The following GNAS-AS1 variants were observed in gnomAD, a reference collection of about 807,000 sequenced individuals.
GNAS-AS1 encodes GNAS antisense RNA 1.
intron 4 of GNAS-AS1, among the ~76,000 whole-genome samples, chr20:58,831,787 C>T (rs1277549490): frequency 1.3e-5 from 2 of 151,626 alleles, no homozygotes; most frequent in Admixed American, 6.6e-5. Flanking sequence ...AAAACAAAAC[C>T]CCTAATTATC....
intron 4 of GNAS-AS1, among the ~76,000 whole-genome samples, chr20:58,833,419 C>T (rs1197070027): frequency 2.6e-5 from 4 of 152,184 alleles, no homozygotes; most frequent in Non-Finnish European, 4.4e-5. Flanking sequence ...TCATTTCTGA[C>T]GTTGAGAGGC....
At chr20:58,821,767 C>T (rs889492890) in intron 4 of GNAS-AS1, among the ~76,000 whole-genome samples, 2 of 152,170 alleles carry the variant, frequency 1.3e-5, no homozygotes, top group Non-Finnish European at 2.9e-5. Context: ...ATGGATTCTT[C>T]TCTGAGGCCT....
At position 58,841,604 on chromosome 20, in the gene GNAS-AS1, G is replaced by GCGCACCTGCCCGCGCGCGC; in HGVS notation, n.819+314_819+332dup. On this transcript the variant is annotated intron_variant and non_coding_transcript_variant, in intron 4 of 4. Transcript: ENST00000424094. This position sits in a 1 kb window ranked among gnomAD's most constrained non-coding sequence, Gnocchi z 5.0. Reference sequence around the variant, plus strand: ...GGACAGAGACCGCCTCAAAGAGCGTGCGCACCTGCCCGCGCGCGCCGGAGC... The same window carrying GCGCACCTGCCCGCGCGCGC: ...GGACAGAGACCGCCTCAAAGAGCGTGCGCACCTGCCCGCGCGCGCCGCACCTGCCCGCGCGCGCCGGAGC... The GCGCACCTGCCCGCGCGCGC allele has an allele frequency of 9.7e-7, 1 of 1,032,370 alleles. No individual in the cohort carries two copies. The highest frequency in any genetic ancestry group is 1.2e-6 in the Non-Finnish European group (1 of 860,872). 64.0% of individuals were successfully genotyped at this position (1,032,370 alleles called of 1,614,324 possible).
In GNAS-AS1 at chr20:58,840,974, G is replaced by C. The variant is rs6100246; in HGVS notation, n.819+963C>G. The C allele has an allele frequency of 7.2e-7, 1 of 1,387,864 alleles. No homozygotes were observed. Among genetic ancestry groups the C allele is most frequent in the East Asian group, 2.4e-5 (1 of 40,878 alleles). 86.0% of individuals were successfully genotyped at this position (1,387,864 alleles called of 1,614,324 possible). A position where few individuals can be genotyped will look rare whatever the true frequency, so the allele number is the denominator to read the frequency against. On this transcript the variant is annotated intron_variant and non_coding_transcript_variant, in intron 4 of 4. Transcript: ENST00000424094. This position sits in a 1 kb window ranked among gnomAD's most constrained non-coding sequence, Gnocchi z 6.0. ...GGAGGTGAGAAGGAAAGGCAGGTCA[G>C]GGGCGAGTGGGAAGAGAGGAGGCTC...
chr20:58,824,269 C>T (rs542096006), intron 4 of GNAS-AS1, among the ~76,000 whole-genome samples: 23 of 152,366 alleles, frequency 1.5e-4, no homozygotes, highest in Middle Eastern at 3.4e-3. Context: ...AGCGCAGCTG[C>T]GCTGGCCTCC....
At chr20:58,850,648 C>T in exon 1 of GNAS-AS1, 2 of 399,300 alleles carry the variant, frequency 5.0e-6, no homozygotes, top group Admixed American at 8.8e-5. Flanking sequence ...CCCTGGAAAT[C>T]TTCTTGCTCC....
intron 3 of GNAS-AS1, chr20:58,842,424 G>A: frequency 2.5e-6 from 1 of 398,556 alleles, no homozygotes. Context: ...GATGATAGAA[G>A]GAAAATACCT....
chr20:58,836,691 G>A (rs898228316), intron 4 of GNAS-AS1, among the ~76,000 whole-genome samples: 2 of 152,182 alleles, frequency 1.3e-5, no homozygotes, highest in African/African-American at 2.4e-5. Flanking sequence ...AGTCACGCAC[G>A]TAATGCATTT....
intron 2 of GNAS-AS1, among the ~76,000 whole-genome samples, chr20:58,846,178 G>C (rs1316166749): frequency 6.6e-6 from 1 of 152,168 alleles, no homozygotes; most frequent in African/African-American, 2.4e-5. Flanking sequence ...ATTTAGAAAT[G>C]GGGAAGGGGG....
intron 4 of GNAS-AS1, chr20:58,839,798 C>G: frequency 3.5e-6 from 2 of 578,408 alleles, no homozygotes; most frequent in Non-Finnish European, 3.1e-6. Flanking sequence ...GCACCTCTCT[C>G]GAGTCTTAGG....
In GNAS-AS1 at chr20:58,841,962, G is replaced by A; in HGVS notation, n.794C>T. 1.8e-6 allele frequency: 2 copies of A among 1,112,556 alleles called. No individual in the cohort carries two copies. The highest frequency in any genetic ancestry group is 2.3e-6 in the Non-Finnish European group (2 of 879,042). 68.9% of individuals were successfully genotyped at this position (1,112,556 alleles called of 1,614,324 possible). The stretch of plus-strand genomic sequence containing the variant: ...AATTCGTTTCCAAAGAGCGCGGTAC[G>A]CGCAGAGCTGGGGAAAGGTGTTGGA... On this transcript the variant is annotated non_coding_transcript_exon_variant, in exon 4 of 5. Transcript: ENST00000424094. The surrounding 1 kb of genome is among the most constrained non-coding windows in gnomAD (Gnocchi z 5.0).
At chr20:58,821,564 A>C (rs1469021111) in intron 4 of GNAS-AS1, among the ~76,000 whole-genome samples, 1 of 152,168 alleles carries the variant, frequency 6.6e-6, no homozygotes, top group Non-Finnish European at 1.5e-5. Flanking sequence ...GGCACCATAA[A>C]TCAGTAAGAG....
chr20:58,830,499 CCACACCACCAT>C (rs2085556727), intron 4 of GNAS-AS1, among the ~76,000 whole-genome samples: 1 of 120,308 alleles, frequency 8.3e-6, no homozygotes, highest in Non-Finnish European at 1.8e-5. Context: ...ACCATCACCA[CCACACCACCAT>C]CATCACCACC....
intron 2 of GNAS-AS1, chr20:58,842,621 G>A (rs2085782391): frequency 2.5e-6 from 1 of 397,522 alleles, no homozygotes; most frequent in Non-Finnish European, 4.4e-6. Context: ...AAGTTTGGAG[G>A]CTGCGGAAGG....
At chr20:58,850,333 C>T (rs1391174879) in intron 1 of GNAS-AS1, among the ~76,000 whole-genome samples, 1 of 152,194 alleles carries the variant, frequency 6.6e-6, no homozygotes, top group African/African-American at 2.4e-5. Context: ...GCATGTGCTC[C>T]CCTGGCAAAG....
At chr20:58,843,162 T>C (rs1307461883) in intron 2 of GNAS-AS1, among the ~76,000 whole-genome samples, 1 of 151,882 alleles carries the variant, frequency 6.6e-6, no homozygotes, top group Non-Finnish European at 1.5e-5. Flanking sequence ...ACCTGTTACC[T>C]ACCGGCACAC....
At chr20:58,832,786 A>C (rs747464944) in intron 4 of GNAS-AS1, among the ~76,000 whole-genome samples, 2 of 152,228 alleles carry the variant, frequency 1.3e-5, no homozygotes, top group Non-Finnish European at 2.9e-5. Context: ...CAAGGTCAAA[A>C]ATTTACGAAG....
At chr20:58,830,811 G>A (rs1371084926) in intron 4 of GNAS-AS1, among the ~76,000 whole-genome samples, 1 of 151,540 alleles carries the variant, frequency 6.6e-6, no homozygotes, top group Non-Finnish European at 1.5e-5. Context: ...ATCCAGGCCT[G>A]TGTGATCCCA....
Position 58,840,731 on chromosome 20 carries a change from G to A in GNAS-AS1, n.819+1206C>T, listed in dbSNP as rs2085683883. On this transcript the variant is annotated intron_variant and non_coding_transcript_variant, in intron 4 of 4. Transcript: ENST00000424094. The surrounding 1 kb of genome is among the most constrained non-coding windows in gnomAD (Gnocchi z 6.0). ...TCCAAGGGACCCCGAAGAGTCGAAG[G>A]AGCCCAAGGAGGAGAAGCAGCGGCG... is the stretch of plus-strand genomic sequence containing the variant. The A allele has an allele frequency of 1.2e-6, 2 of 1,604,748 alleles. No individual in the cohort carries two copies. The highest frequency in any genetic ancestry group is 1.7e-6 in the Non-Finnish European group (2 of 1,179,548).
Sources: allele counts gnomAD v4.1 joint callset (sites outside exome capture counted in the v4.1 genomes callset), GRCh38; gene constraint gnomAD v4.1.1; non-coding constraint Gnocchi (gnomAD v3.1); transcripts MANE v1.5; gene names NCBI Gene and HGNC (gene_info 2026-07-23, HGNC 2026-07-21).